Variants in TTN observed in about 807,000 individuals in gnomAD.
TTN encodes the protein connectin.
In TTN, 1,525 loss-of-function variants were observed where a neutral mutation model predicts 3,223.0. That is an observed-to-expected ratio of 0.47 (90% confidence interval 0.45 to 0.49). The LOEUF (loss-of-function observed/expected upper bound fraction) is 0.49, where lower values mean the gene tolerates loss of function less well. Ranked by LOEUF, TTN falls within the 20% of genes least tolerant of loss-of-function variation. The probability of loss-of-function intolerance (pLI) is 0.00; values close to 1 mark genes in which losing one functional copy is unlikely to be tolerated. For missense variants in TTN, 40,786 were observed against 43,424.0 expected (o/e 0.94, Z 5.40); for synonymous variants, 14,094 against 15,161.0 (o/e 0.93, Z 5.17).
In TTN at chr2:178,712,524, C is replaced by T; in HGVS notation, c.27398G>A (p.Gly9133Asp). 6.2e-7 allele frequency: 1 copy of T among 1,613,602 alleles called. No homozygotes were observed. Among genetic ancestry groups the T allele is most frequent in the Non-Finnish European group, 8.5e-7 (1 of 1,179,714 alleles). ...AATGGGAGGAGTTCCAGTGAATGTA[C>T]CCTCTAGGATCAGGGGTTTTCCTTT... is the stretch of plus-strand genomic sequence containing the variant. ...IEKGKPLILE[G>D]TFTGTPPISV... The change falls in exon 95 of 363, where the codon GGT becomes GAT. Residue 9133 changes from glycine (G) to aspartate (D), a missense_variant. Gly to Asp is a moderately conservative substitution (Grantham distance 94). Coordinates refer to ENST00000589042, the MANE Select transcript of TTN (RefSeq NM_001267550.2).
At chr2:178,546,191 G>A (rs1697034679) in intron 342 of TTN, 21 bp downstream of exon 342, 1 of 1,597,250 alleles carries the variant, frequency 6.3e-7, no homozygotes, top group African/African-American at 1.3e-5. Flanking sequence ...ATATAAATGT[G>A]AGAACATTTG....
In TTN at chr2:178,533,804, C is replaced by T. The variant is rs794727542; in HGVS notation, c.102811G>A (p.Val34271Ile). 4 of 1,613,992 alleles carry T rather than the reference C, an allele frequency of 2.5e-6. No individual in the cohort carries two copies. Among genetic ancestry groups the T allele is most frequent in the Admixed American group, 1.7e-5 (1 of 60,024 alleles). ...TLPLYNKTAY[V>I]GENVRFGVTI... is the part of the protein sequence containing the mutation. ...ACTCCAAACCGGACATTTTCACCTA[C>T]ATAAGCTGTCTTATTATAGAGAGGC... Residue 34271 changes from valine to isoleucine, a missense_variant, in exon 358 of 363, where the codon GTA becomes ATA. By Grantham distance (29) the Val-to-Ile change is conservative. Coordinates refer to ENST00000589042, the MANE Select transcript of TTN (RefSeq NM_001267550.2).
Position 178,679,409 on chromosome 2 carries a change from C to T in TTN, c.33672G>A (p.Glu11224=). ...CTTTCTCCTCTGGCTTCTTAGGAAC[C>T]TCAGGCACTTTAAAGATATTGTTTA... The part of the protein sequence containing the change: ...KKEAPPAKVP[E]VPKKPEEKVP... Residue 11224 remains glutamate (E), a synonymous_variant, in exon 142 of 363, where the codon GAG becomes GAA. Coordinates refer to ENST00000589042, the MANE Select transcript of TTN (RefSeq NM_001267550.2). The T allele has an allele frequency of 6.2e-7, 1 of 1,612,436 alleles. No homozygotes were observed. The highest frequency in any genetic ancestry group is 8.5e-7 in the Non-Finnish European group (1 of 1,179,040).
At chr2:178,754,058 A>G (rs1049367681) in intron 46 of TTN, 1 of 152,110 alleles carries the variant, frequency 6.6e-6, no homozygotes, top group East Asian at 1.9e-4. Context: ...TGTGTTTGTA[A>G]GAATGAAAAA....
chr2:178,652,273 G>C lies in TTN; in HGVS notation c.39202C>G (p.Pro13068Ala), dbSNP rs372882834. 1.9e-5 allele frequency: 30 copies of C among 1,613,604 alleles called. No individual in the cohort carries two copies. The highest frequency in any genetic ancestry group is 2.5e-5 in the Non-Finnish European group (29 of 1,179,690). ...VPPPKKPEVP[P>A]TKVPEVPKVA... ...CCATGAGGGTGTCTACCTTTTGTGG[G>C]TGGCACTTCAGGCTTTTTAGGAGGA... The change falls in exon 203 of 363, where the codon CCC becomes GCC. Residue 13068 changes from proline to alanine, a missense_variant. Physicochemically the swap from Pro to Ala is conservative, Grantham distance 27. Transcript: ENST00000589042.
intron 95 of TTN, 36 bp from the exon 96 acceptor site, chr2:178,712,258 G>A (rs1344989122): frequency 6.2e-7 from 1 of 1,609,122 alleles, no homozygotes; most frequent in Admixed American, 1.7e-5. Context: ...AGTCATGAAG[G>A]AGACATGCCA....
In TTN at chr2:178,592,140, C is replaced by A. The variant is rs1054816991; in HGVS notation, c.59764G>T (p.Ala19922Ser). 1.2e-6 allele frequency: 2 copies of A among 1,612,820 alleles called. No homozygotes were observed. The highest frequency in any genetic ancestry group is 1.7e-5 in the Admixed American group (1 of 59,910). The change falls in exon 302 of 363, where the codon GCC (alanine) becomes TCC (serine). Residue 19922 changes from alanine to serine, a missense_variant. Coordinates refer to ENST00000589042, the MANE Select transcript of TTN (RefSeq NM_001267550.2). ...GTAGCTGAGAGAGGTGACCACTGGG[C>A]GCTGGCAACATCTCTCCTCTCAACC... ...YVVERRDVAS[A>S]QWSPLSATSK...
chr2:178,718,287 AAG>A (rs1225240375), intron 85 of TTN, 33 bp downstream of exon 85: 1 of 1,601,664 alleles, frequency 6.2e-7, no homozygotes, highest in East Asian at 2.2e-5. Flanking sequence ...TTTGAAAAGA[AAG>A]AGAGCAATAA....
chr2:178,747,820 A>G (rs2084100705), intron 47 of TTN: 4 of 1,612,728 alleles, frequency 2.5e-6, no homozygotes, highest in Non-Finnish European at 3.4e-6. Context: ...GAACTTCTTC[A>G]TAACATTTTT....
At chr2:178,631,434 CT>C in intron 236 of TTN, 134 bp from the exon 237 acceptor site, 1 of 972,392 alleles carries the variant, frequency 1.0e-6, no homozygotes, top group Non-Finnish European at 1.5e-6. Context: ...ATCATTTAAC[CT>C]GTTTATGTTC....
chr2:178,665,482 G>T, intron 164 of TTN, 22 bp from the exon 165 acceptor site: 1 of 1,608,136 alleles, frequency 6.2e-7, no homozygotes, highest in South Asian at 1.1e-5. Flanking sequence ...TTAGTATTAT[G>T]GTTAGAGGTT....
chr2:178,612,522 G>T lies in TTN; in HGVS notation c.50003C>A (p.Ala16668Glu). Reference sequence around the variant, plus strand: ...CTCAGGAACTGTCCATTTTAGGTCTGCTGTATTTTTTGTGATATTAATAAC... The same window carrying T: ...CTCAGGAACTGTCCATTTTAGGTCTTCTGTATTTTTTGTGATATTAATAAC... ...LEVINITKNT[A>E]DLKWTVPEKD... The change falls in exon 266 of 363, where the codon GCA becomes GAA. Residue 16668 changes from alanine (A) to glutamate (E), a missense_variant. Ala to Glu is a moderately radical substitution (Grantham distance 107). Transcript: ENST00000589042. 6.2e-7 allele frequency: 1 copy of T among 1,611,852 alleles called. No homozygotes were observed. The highest frequency in any genetic ancestry group is 8.5e-7 in the Non-Finnish European group (1 of 1,179,086).
At position 178,621,349 on chromosome 2, in the gene TTN, G is replaced by C. The variant is rs1160173197; in HGVS notation, c.45369C>G (p.Ile15123Met). 1.1e-5 allele frequency: 17 copies of C among 1,611,186 alleles called. No individual in the cohort carries two copies. The highest frequency in any genetic ancestry group is 1.4e-5 in the Non-Finnish European group (17 of 1,178,872). Reference protein sequence around the residue: ...VKVHELAAEFISKPQNLEILE... With the variant: ...VKVHELAAEFMSKPQNLEILE... ...GTATTTCAAGGTTTTGAGGCTTTGAGATAAATTCAGCAGCCAGTTCTGGGA... is the reference window on the plus strand; with the variant it reads ...GTATTTCAAGGTTTTGAGGCTTTGACATAAATTCAGCAGCCAGTTCTGGGA... Residue 15123 changes from isoleucine to methionine, a missense_variant, in exon 246 of 363, where the codon ATC becomes ATG. Physicochemically the swap from Ile to Met is conservative, Grantham distance 10 (BLOSUM62 1). Coordinates refer to ENST00000589042, the MANE Select transcript of TTN (RefSeq NM_001267550.2).
In TTN at chr2:178,576,468, G is replaced by A. The variant is rs372775505; in HGVS notation, c.69716-52C>T. 6.7e-5 allele frequency: 106 copies of A among 1,592,518 alleles called. No homozygotes were observed. The African/African-American group carries it at 1.4e-3, about 21-fold the overall frequency. The stretch of plus-strand genomic sequence containing the variant: ...TATATATTCAGAGTTTGGCTTTTGG[G>A]TAATTTAGATAAAATATTGGCACTC... On this transcript the variant is annotated intron_variant, in intron 325 of 362. Transcript: ENST00000589042. This position sits in a 1 kb window ranked among gnomAD's most constrained non-coding sequence, Gnocchi z 4.3.
chr2:178,807,007 T>C (rs929322605), intron 1 of TTN, among the ~76,000 whole-genome samples: 2 of 152,250 alleles, frequency 1.3e-5, no homozygotes, highest in Non-Finnish European at 2.9e-5. Flanking sequence ...TTAGCTGATA[T>C]AATAAAGCTT....
chr2:178,680,238 G>A lies in TTN; in HGVS notation c.33418+16C>T. 1 of 1,610,022 alleles carries A rather than the reference G, an allele frequency of 6.2e-7. No individual in the cohort carries two copies. Among genetic ancestry groups the A allele is most frequent in the South Asian group, 1.1e-5 (1 of 90,240 alleles). ...CAAAAGACGAACAAAACATTAAAAT[G>A]AGTGCCATTAGGTACCTCTAACAGG... On this transcript the variant is annotated intron_variant, in intron 139 of 362. Transcript: ENST00000589042.
In TTN at chr2:178,720,368, T is replaced by C; in HGVS notation, c.23377+17A>G. The C allele has an allele frequency of 6.3e-7, 1 of 1,599,068 alleles. No homozygotes were observed. Among genetic ancestry groups the C allele is most frequent in the Non-Finnish European group, 8.5e-7 (1 of 1,171,576 alleles). The stretch of plus-strand genomic sequence containing the variant: ...TAGGAGGAAGGGGCATATATTTTTG[T>C]GTCCATGTATACAAACCTTTGAACT... On this transcript the variant is annotated intron_variant, in intron 80 of 362. Coordinates refer to ENST00000589042, the MANE Select transcript of TTN (RefSeq NM_001267550.2).
chr2:178,563,394 T>A lies in TTN; in HGVS notation c.82738A>T (p.Thr27580Ser). ...PPGPPSNPKV[T>S]DTSRSSVSLA... is the part of the protein sequence containing the mutation. Reference sequence around the variant, plus strand: ...GAGACAGAAGATCTGGAAGTGTCCGTCACTTTTGGATTGCTTGGGGGACCT... The same window carrying A: ...GAGACAGAAGATCTGGAAGTGTCCGACACTTTTGGATTGCTTGGGGGACCT... The change falls in exon 326 of 363, where the codon ACG (threonine) becomes TCG (serine). Residue 27580 changes from threonine to serine, a missense_variant. Coordinates refer to ENST00000589042, the MANE Select transcript of TTN (RefSeq NM_001267550.2). This position sits in a 1 kb window ranked among gnomAD's most constrained non-coding sequence, Gnocchi z 4.5. The A allele has an allele frequency of 1.2e-6, 2 of 1,613,538 alleles. No homozygotes were observed. Among genetic ancestry groups the A allele is most frequent in the South Asian group, 1.1e-5 (1 of 91,060 alleles).
chr2:178,564,690 A>G lies in TTN; in HGVS notation c.81442T>C (p.Ser27148Pro), dbSNP rs1705027255. Residue 27148 changes from serine (S) to proline (P), a missense_variant, in exon 326 of 363, where the codon TCT becomes CCT. Transcript: ENST00000589042. The stretch of plus-strand genomic sequence containing the variant: ...CCAATGCCAACAATATTTTCAGCAG[A>G]AACTTTGAACTCATACTCAAGGCCC... ...DEGLEYEFKV[S>P]AENIVGIGKP... The G allele has an allele frequency of 1.2e-6, 2 of 1,613,334 alleles. No homozygotes were observed. Among genetic ancestry groups the G allele is most frequent in the African/African-American group, 2.7e-5 (2 of 74,914 alleles).
Sources: allele counts gnomAD v4.1 joint callset (sites outside exome capture counted in the v4.1 genomes callset), GRCh38; gene constraint gnomAD v4.1.1; non-coding constraint Gnocchi (gnomAD v3.1); transcripts MANE v1.5; gene names NCBI Gene and HGNC (gene_info 2026-07-23, HGNC 2026-07-21).